WWC1: variants seen among roughly 807,000 people sequenced by gnomAD.
WWC1 encodes the protein WW and C2 domain containing 1, also known as protein KIBRA.
Under a neutral mutation model 138.4 loss-of-function variants are expected in WWC1, and 55 were observed. The observed-to-expected ratio is 0.40, with a 90% confidence interval of 0.32 to 0.50. The LOEUF is 0.50. Among genes scored for constraint, WWC1 ranks in the 20% least tolerant of loss-of-function variants. The pLI is 0.72. For missense variants in WWC1, 1,226 were observed against 1,420.4 expected (o/e 0.86, Z 2.20); for synonymous variants, 524 against 564.9 (o/e 0.93, Z 1.03).
At chr5:168,455,206 C>A in intron 18 of WWC1, 150 bp from the exon 19 acceptor site, 1 of 990,922 alleles carries the variant, frequency 1.0e-6, no homozygotes, top group South Asian at 1.8e-5. Context: ...AGGCTGAGCT[C>A]ATCTAGCAGG....
chr5:168,442,217 A>G (rs941702236), intron 16 of WWC1, among the ~76,000 whole-genome samples: 1 of 152,206 alleles, frequency 6.6e-6, no homozygotes, highest in African/African-American at 2.4e-5. Context: ...TATAAGAGGC[A>G]GCTAGAAATC....
At position 168,346,464 on chromosome 5, in the gene WWC1, G is replaced by T. The variant is rs139326417; in HGVS notation, c.120-24960G>T. Reference sequence around the variant, plus strand: ...CCCTCAAGAGACCCTCAGAAAATCTGTCCAGTGCCCCAACATCAGAATGAA... The same window carrying T: ...CCCTCAAGAGACCCTCAGAAAATCTTTCCAGTGCCCCAACATCAGAATGAA... On this transcript the variant is annotated intron_variant, in intron 1 of 22. Coordinates refer to ENST00000265293, the MANE Select transcript of WWC1 (RefSeq NM_015238.3). 6.4e-3 allele frequency among the ~76,000 whole-genome samples: 979 copies of T among 152,216 alleles called. 14 individuals are homozygous for T. Among genetic ancestry groups the T allele is most frequent in the African/African-American group, 0.022 (927 of 41,526 alleles).
At chr5:168,388,923 C>T (rs1778247304) in intron 3 of WWC1, among the ~76,000 whole-genome samples, 1 of 151,894 alleles carries the variant, frequency 6.6e-6, no homozygotes, top group Admixed American at 6.6e-5. Context: ...CATTTCTAAT[C>T]ATGATTAGTA....
intron 14 of WWC1, 73 bp downstream of exon 14, chr5:168,430,296 C>T (rs1421772372): frequency 5.4e-6 from 7 of 1,286,424 alleles, no homozygotes; most frequent in Middle Eastern, 2.3e-4. Context: ...CACTTTTCTG[C>T]CCTGTCCTGA....
chr5:168,355,057 G>T (rs1428782731), intron 1 of WWC1, among the ~76,000 whole-genome samples: 1 of 152,186 alleles, frequency 6.6e-6, no homozygotes, highest in African/African-American at 2.4e-5. Context: ...TTGGTCATAG[G>T]AAGACAATGG....
chr5:168,354,676 C>G (rs1775257087), intron 1 of WWC1, among the ~76,000 whole-genome samples: 2 of 152,160 alleles, frequency 1.3e-5, no homozygotes, highest in African/African-American at 4.8e-5. Context: ...TTCCATTCCA[C>G]TGGTAAGTTT....
Position 168,431,262 on chromosome 5 carries a change from G to A in WWC1, c.2098G>A (p.Val700Met), listed in dbSNP as rs888661896. 1.3e-5 allele frequency: 21 copies of A among 1,612,912 alleles called. No homozygotes were observed. In the East Asian group the frequency reaches 2.2e-4, roughly 17 times the overall value. Reference sequence around the variant, plus strand: ...TCTGTCTCCCTCTAGGAATATCCGCGTGGCTGTCCTTCCTTGCTCTGAAAG... The same window carrying A: ...TCTGTCTCCCTCTAGGAATATCCGCATGGCTGTCCTTCCTTGCTCTGAAAG... ...QQQDQKVNIR[V>M]AVLPCSESTT... The change falls in exon 15 of 23, where the codon GTG becomes ATG. Residue 700 changes from valine to methionine, a missense_variant. Physicochemically the swap from Val to Met is conservative, Grantham distance 21. Transcript: ENST00000265293.
chr5:168,347,798 G>T (rs1170673111), intron 1 of WWC1, among the ~76,000 whole-genome samples: 1 of 152,156 alleles, frequency 6.6e-6, no homozygotes, highest in Non-Finnish European at 1.5e-5. Context: ...TTATGATTAT[G>T]TATCAAGAAT....
intron 3 of WWC1, among the ~76,000 whole-genome samples, chr5:168,394,995 C>T (rs1464738050): frequency 6.6e-6 from 1 of 152,208 alleles, no homozygotes; most frequent in African/African-American, 2.4e-5. Flanking sequence ...CAGTGATACT[C>T]CAGGGTATAA....
intron 3 of WWC1, among the ~76,000 whole-genome samples, chr5:168,394,982 T>G (rs151080941): frequency 9.5e-4 from 145 of 152,338 alleles, no homozygotes; most frequent in African/African-American, 3.1e-3. Flanking sequence ...ATTGTGCACT[T>G]CACAGTGATA....
At chr5:168,410,068 C>A in intron 8 of WWC1, 73 bp downstream of exon 8, 1 of 1,420,552 alleles carries the variant, frequency 7.0e-7, no homozygotes, top group Non-Finnish European at 9.9e-7. Flanking sequence ...CTGCTCTGTG[C>A]TTAGCTTTTC....
chr5:168,410,046 A>G, intron 8 of WWC1, 51 bp downstream of exon 8: 3 of 1,548,878 alleles, frequency 1.9e-6, no homozygotes, highest in Non-Finnish European at 2.7e-6. Context: ...AATAACTACT[A>G]TTGTAGAATG....
At chr5:168,338,058 C>G (rs902725502) in intron 1 of WWC1, among the ~76,000 whole-genome samples, 1 of 152,080 alleles carries the variant, frequency 6.6e-6, no homozygotes, top group African/African-American at 2.4e-5. Flanking sequence ...TGCCTGTAAT[C>G]CCAGCACTTT....
rs781184337 is a variant in WWC1 at position 168,414,470 on chromosome 5, G to C, written c.1064G>C (p.Arg355Pro). The C allele has an allele frequency of 6.4e-7, 1 of 1,567,832 alleles. No homozygotes were observed. The highest frequency in any genetic ancestry group is 1.4e-5 in the African/African-American group (1 of 74,034). Residue 355 changes from arginine to proline, a missense_variant, in exon 9 of 23, where the codon CGC (arginine) becomes CCC (proline). This residue lies in a region of WWC1 where 1,016 missense variants were observed against 1,153.9 expected (regional missense o/e 0.88). Transcript: ENST00000265293. The part of the protein sequence containing the change: ...NEKEELLKEM[R>P]FISPRKWTQG... ...AAGGAGGAGCTGCTGAAGGAGATGC[G>C]CTTCATCAGCCCCCGCAAGTGGACC...
intron 17 of WWC1, among the ~76,000 whole-genome samples, chr5:168,451,861 T>G (rs2337219): frequency 6.7e-6 from 1 of 150,354 alleles, no homozygotes; most frequent in African/African-American, 2.4e-5. Flanking sequence ...CAGGGGAAAC[T>G]TAAAATGGCA....
At chr5:168,431,479 TGGC>T in intron 15 of WWC1, 35 bp downstream of exon 15, 1 of 1,533,478 alleles carries the variant, frequency 6.5e-7, no homozygotes, top group Admixed American at 1.8e-5. Context: ...GCTGGCTGGC[TGGC>T]TGGCTGGCTG....
chr5:168,468,014 G>A (rs578159264), intron 22 of WWC1, 50 bp downstream of exon 22: 52 of 1,609,304 alleles, frequency 3.2e-5, no homozygotes, highest in East Asian at 3.1e-4. Flanking sequence ...GCCAACCCAC[G>A]GCCTTAGTCT....
intron 18 of WWC1, among the ~76,000 whole-genome samples, chr5:168,454,602 A>G (rs1017506527): frequency 1.3e-5 from 2 of 152,166 alleles, no homozygotes; most frequent in Non-Finnish European, 2.9e-5. Context: ...CACTCTCCAC[A>G]GACAGCTGGC....
At chr5:168,459,817 T>G (rs1756643902) in intron 19 of WWC1, among the ~76,000 whole-genome samples, 1 of 152,098 alleles carries the variant, frequency 6.6e-6, no homozygotes, top group Non-Finnish European at 1.5e-5. Context: ...CACAATAGCA[T>G]CGGCCTGTCA....
Sources: gnomAD v4.1 joint callset for allele counts (sites outside exome capture counted in the v4.1 genomes callset) on GRCh38, gnomAD v4.1.1 for gene constraint, gnomAD v4.1.1 regional missense constraint, MANE v1.5 for transcripts, NCBI Gene and HGNC (gene_info 2026-07-23, HGNC 2026-07-21) for gene names.